The following SLC36A4 variants were observed in gnomAD, a reference collection of about 807,000 sequenced individuals.
The protein encoded by SLC36A4 is solute carrier family 36 member 4, also known as neutral amino acid uniporter 4.
Under a neutral mutation model 50.5 loss-of-function variants are expected in SLC36A4, and 49 were observed. That is an observed-to-expected ratio of 0.97 (90% confidence interval 0.77 to 1.23). The LOEUF (loss-of-function observed/expected upper bound fraction) is 1.23, where lower values mean the gene tolerates loss of function less well. SLC36A4 is among the 50% of genes most tolerant of loss of function. SLC36A4 has a pLI of 0.00. For synonymous variants in SLC36A4, 207 were observed against 206.5 expected (o/e 1.00, Z -0.02); for missense variants, 611 against 608.4 (o/e 1.00, Z -0.05).
chr11:93,144,643 CT>C lies in SLC36A4; in HGVS notation c.*3893del. On this transcript the variant is annotated 3_prime_UTR_variant, in exon 11 of 11. Transcript: ENST00000326402. ...TCTAGCCATTTCTTAGGCATGTTTC[CT>C]TATCTCATAGGTCAAAACCAATCAG... 6.6e-6 allele frequency: 1 copy of C among 151,994 alleles called. No homozygotes were observed. Among genetic ancestry groups the C allele is most frequent in the Admixed American group, 6.6e-5 (1 of 15,234 alleles). 9.4% of individuals were successfully genotyped at this position (151,994 alleles called of 1,614,324 possible).
At chr11:93,153,739 A>G (rs937315483) in intron 10 of SLC36A4, among the ~76,000 whole-genome samples, 1 of 152,152 alleles carries the variant, frequency 6.6e-6, no homozygotes, top group African/African-American at 2.4e-5. Flanking sequence ...GTTATGAAGA[A>G]GTAAACTGTT....
In SLC36A4 at chr11:93,155,658, C is replaced by T. The variant is rs143327124; in HGVS notation, c.1038-1381G>A. ...ATTTGTGTCATGGGGGCTTGTTGTA[C>T]AGATTATTTCATCACTCAGGTATTA... On this transcript the variant is annotated intron_variant, in intron 9 of 10. Transcript: ENST00000326402. 6.2e-3 allele frequency among the ~76,000 whole-genome samples: 943 copies of T among 152,062 alleles called. 9 individuals are homozygous for T. The highest frequency in any genetic ancestry group is 0.022 in the African/African-American group (897 of 41,478).
intron 1 of SLC36A4, among the ~76,000 whole-genome samples, chr11:93,196,403 G>A (rs1275117487): frequency 6.6e-6 from 1 of 151,996 alleles, no homozygotes; most frequent in Non-Finnish European, 1.5e-5. Context: ...GTCTCGCTCT[G>A]TTGCCCAGGC....
intron 6 of SLC36A4, chr11:93,171,365 A>C (rs560747858): frequency 6.6e-6 from 1 of 152,052 alleles, no homozygotes; most frequent in South Asian, 2.1e-4. Flanking sequence ...TGTCATACAA[A>C]CACACTCACA....
rs375870537 is a variant in SLC36A4 at position 93,147,537 on chromosome 11, A to C, written c.*1000T>G. 8 of 152,092 alleles carry C rather than the reference A, an allele frequency of 5.3e-5. No individual in the cohort carries two copies. The highest frequency in any genetic ancestry group is 1.9e-4 in the African/African-American group (8 of 41,436). 9.4% of individuals were successfully genotyped at this position (152,092 alleles called of 1,614,324 possible). A position where few individuals can be genotyped will look rare whatever the true frequency, so the allele number is the denominator to read the frequency against. ...TCTCTATTCTGTTTTAAAAGAACAT[A>C]GCTTCTTTCTCTTGCTGAGGTTTAT... On this transcript the variant is annotated 3_prime_UTR_variant, in exon 11 of 11. Coordinates refer to ENST00000326402, the MANE Select transcript of SLC36A4 (RefSeq NM_152313.4).
At chr11:93,180,257 A>G in intron 6 of SLC36A4, 1 of 985,044 alleles carries the variant, frequency 1.0e-6, no homozygotes. Context: ...GTCCAAATAC[A>G]CTGTCAATCT....
Position 93,145,500 on chromosome 11 carries a change from A to C in SLC36A4, c.*3037T>G, listed in dbSNP as rs76935911. 19,558 of 152,110 alleles carry C rather than the reference A, an allele frequency of 0.13. 1,445 individuals carry two copies. The highest frequency in any genetic ancestry group is 0.16 in the Non-Finnish European group (10,850 of 67,954). 9.4% of individuals were successfully genotyped at this position (152,110 alleles called of 1,614,324 possible). On this transcript the variant is annotated 3_prime_UTR_variant, in exon 11 of 11. Transcript: ENST00000326402. ...GGGGAAAAGAAGTCCCTCTGAAAAA[A>C]ACGTCTGAGAACCAGTGTTTTGACA...
intron 6 of SLC36A4, among the ~76,000 whole-genome samples, chr11:93,174,037 C>T (rs1409177830): frequency 1.3e-5 from 2 of 150,582 alleles, no homozygotes; most frequent in East Asian, 3.9e-4. Context: ...TTACCTTGGG[C>T]AGTATAGCCA....
chr11:93,181,848 C>G, intron 4 of SLC36A4, 62 bp from the exon 5 acceptor site: 1 of 1,374,130 alleles, frequency 7.3e-7, no homozygotes, highest in Non-Finnish European at 9.7e-7. Context: ...TCCATAAAAC[C>G]ACCTCTTGAA....
chr11:93,195,651 AC>A (rs1478771863), intron 1 of SLC36A4, among the ~76,000 whole-genome samples: 2 of 152,164 alleles, frequency 1.3e-5, no homozygotes, highest in Non-Finnish European at 2.9e-5. Context: ...GGTAAAAGTC[AC>A]AGTTTACATT....
rs1441368589 is a variant in SLC36A4 at position 93,145,214 on chromosome 11, G to A, written c.*3323C>T. 1 of 152,006 alleles carries A rather than the reference G, an allele frequency of 6.6e-6. No individual in the cohort carries two copies. Among genetic ancestry groups the A allele is most frequent in the African/African-American group, 2.4e-5 (1 of 41,426 alleles). 9.4% of individuals were successfully genotyped at this position (152,006 alleles called of 1,614,324 possible). A position where few individuals can be genotyped will look rare whatever the true frequency, so the allele number is the denominator to read the frequency against. On this transcript the variant is annotated 3_prime_UTR_variant, in exon 11 of 11. Coordinates refer to ENST00000326402, the MANE Select transcript of SLC36A4 (RefSeq NM_152313.4). ...TAAAGAGATTTTACATAACTACTAT[G>A]AAACTACTAAGATTAGACACTGTTA...
At chr11:93,173,956 T>G in intron 6 of SLC36A4, among the ~76,000 whole-genome samples, 1 of 145,608 alleles carries the variant, frequency 6.9e-6, no homozygotes, top group African/African-American at 2.5e-5. Context: ...ATATGAACTT[T>G]AAAGTAGTTT....
chr11:93,149,050 T>C (rs922917710), intron 10 of SLC36A4, among the ~76,000 whole-genome samples: 4 of 152,098 alleles, frequency 2.6e-5, no homozygotes, highest in African/African-American at 9.7e-5. Flanking sequence ...GAGTGACATG[T>C]CCTAGACTTA....
In SLC36A4 at chr11:93,178,590, A is replaced by C. The variant is rs1477716298; in HGVS notation, c.540+2207T>G. ...GAAAAGGGGTTAAGTTCTTGATTTG[A>C]TTCTCCACTTGGTCACTGTTGGTGT... On this transcript the variant is annotated intron_variant, in intron 6 of 10. Transcript: ENST00000326402. Among the ~76,000 whole-genome samples, 13 of 152,178 alleles carry C rather than the reference A, an allele frequency of 8.5e-5. No homozygotes were observed. The South Asian group carries it at 2.7e-3, about 32-fold the overall frequency.
chr11:93,192,682 T>G (rs1268655899), intron 1 of SLC36A4, among the ~76,000 whole-genome samples: 2 of 152,226 alleles, frequency 1.3e-5, no homozygotes, highest in East Asian at 3.8e-4. Context: ...ACTAAGTCTT[T>G]GAAATGCAGC....
In SLC36A4 at chr11:93,147,484, A is replaced by C. The variant is rs992539350; in HGVS notation, c.*1053T>G. 3.3e-5 allele frequency: 5 copies of C among 152,104 alleles called. No homozygotes were observed. The highest frequency in any genetic ancestry group is 7.2e-5 in the African/African-American group (3 of 41,438). The allele number at this position is 152,104 out of a possible 1,614,324, so 9.4% of individuals were successfully genotyped here. A position where few individuals can be genotyped will look rare whatever the true frequency, so the allele number is the denominator to read the frequency against. ...AATAGTATAGCTAGACACACATCTT[A>C]CTAGCCAGGAGTTTCACCAGCAAGC... On this transcript the variant is annotated 3_prime_UTR_variant, in exon 11 of 11. Coordinates refer to ENST00000326402, the MANE Select transcript of SLC36A4 (RefSeq NM_152313.4).
At position 93,162,710 on chromosome 11, in the gene SLC36A4, C is replaced by A. The variant is rs1356666587; in HGVS notation, c.1033G>T (p.Val345Leu). ...GACAAATTCATATACACCTACCATA[C>A]ATCTTGGGGAAGATTTAAAGTTATG... Reference protein sequence around the residue: ...GSITLNLPQDVWLYQSVKILY... With the variant: ...GSITLNLPQDLWLYQSVKILY... Residue 345 changes from valine to leucine, a missense_variant, in exon 9 of 11, where the codon GTA (valine) becomes TTA (leucine). Physicochemically the swap from Val to Leu is conservative, Grantham distance 32. Coordinates refer to ENST00000326402, the MANE Select transcript of SLC36A4 (RefSeq NM_152313.4). 1 of 1,605,792 alleles carries A rather than the reference C, an allele frequency of 6.2e-7. No homozygotes were observed. The highest frequency in any genetic ancestry group is 8.5e-7 in the Non-Finnish European group (1 of 1,176,640).
At chr11:93,164,427 T>C (rs546853051) in intron 8 of SLC36A4, among the ~76,000 whole-genome samples, 109 of 152,338 alleles carry the variant, frequency 7.2e-4, no homozygotes, top group African/African-American at 2.5e-3. Context: ...TAATAGCAAG[T>C]ATTTACTGGA....
At chr11:93,162,917 T>G in intron 8 of SLC36A4, 42 bp from the exon 9 acceptor site, 1 of 1,563,380 alleles carries the variant, frequency 6.4e-7, no homozygotes, top group Non-Finnish European at 8.7e-7. Flanking sequence ...GGAATACAAG[T>G]ATTTAAAAAT....
Sources: gnomAD v4.1 joint callset for allele counts (sites outside exome capture counted in the v4.1 genomes callset) on GRCh38, gnomAD v4.1.1 for gene constraint, MANE v1.5 for transcripts, NCBI Gene and HGNC (gene_info 2026-07-23, HGNC 2026-07-21) for gene names.